The following RRP9 variants were observed in gnomAD, a reference collection of about 807,000 sequenced individuals.
The protein encoded by RRP9 is U3 small nucleolar RNA-interacting protein 2.
Under a neutral mutation model 65.5 loss-of-function variants are expected in RRP9, and 35 were observed. The observed-to-expected ratio is 0.53, with a 90% CI of 0.41 to 0.71. The LOEUF is 0.71. Ranked by LOEUF, RRP9 falls within the 30% of genes least tolerant of loss-of-function variation. The probability of loss-of-function intolerance (pLI) is 0.00; values close to 1 mark genes in which losing one functional copy is unlikely to be tolerated. For missense variants in RRP9, 533 were observed against 633.6 expected (o/e 0.84, Z 1.70); for synonymous variants, 254 against 245.0 (o/e 1.04, Z -0.34).
At chr3:51,941,312 C>T in intron 2 of RRP9, 97 bp downstream of exon 2, 1 of 1,059,072 alleles carries the variant, frequency 9.4e-7, no homozygotes, top group South Asian at 1.3e-5. Context: ...GGGACAGAGT[C>T]TTGGATTCTA....
In RRP9 at chr3:51,934,398, A is replaced by G. The variant is rs1699427123; in HGVS notation, c.1260+74T>C. 3 of 1,459,708 alleles carry G rather than the reference A, an allele frequency of 2.1e-6. No individual in the cohort carries two copies. The highest frequency in any genetic ancestry group is 2.8e-6 in the Non-Finnish European group (3 of 1,072,016). The allele number at this position is 1,459,708 out of a possible 1,614,324, so 90.4% of individuals were successfully genotyped here. ...AGGTTCCCTTCTGGCAGGAAGAAAGACCTTAAAGAGCTAACTCCAGGGGCC... is the reference window on the plus strand; with the variant it reads ...AGGTTCCCTTCTGGCAGGAAGAAAGGCCTTAAAGAGCTAACTCCAGGGGCC... On this transcript the variant is annotated intron_variant, in intron 13 of 14. Coordinates refer to ENST00000232888, the MANE Select transcript of RRP9 (RefSeq NM_004704.5). This position sits in a 1 kb window ranked among gnomAD's most constrained non-coding sequence, Gnocchi z 4.1.
chr3:51,939,313 A>G (rs950400090), intron 2 of RRP9, among the ~76,000 whole-genome samples: 2 of 152,250 alleles, frequency 1.3e-5, no homozygotes, highest in African/African-American at 4.8e-5. Flanking sequence ...CTTCCCTTAC[A>G]CAGCCAAGGG....
chr3:51,933,636 A>G, intron 14 of RRP9, 37 bp from the exon 15 acceptor site: 1 of 1,611,388 alleles, frequency 6.2e-7, no homozygotes, highest in Non-Finnish European at 8.5e-7. Context: ...GACTCGGCCC[A>G]GTCTCCACCC....
rs1699475854 is a variant in RRP9 at position 51,937,719 on chromosome 3, C to T, written c.298G>A (p.Ala100Thr). 6.2e-7 allele frequency: 1 copy of T among 1,614,028 alleles called. No homozygotes were observed. Among genetic ancestry groups the T allele is most frequent in the South Asian group, 1.1e-5 (1 of 91,090 alleles). ...LRQQEEEKAE[A>T]RAFEEDQVAG... ...ACCTGGTCCTCCTCAAATGCACGGGCCTCAGCCTTCTCCTCCTCTGTGCAG... is the reference window on the plus strand; with the variant it reads ...ACCTGGTCCTCCTCAAATGCACGGGTCTCAGCCTTCTCCTCCTCTGTGCAG... Residue 100 changes from alanine to threonine, a missense_variant, in exon 4 of 15, where the codon GCC (alanine) becomes ACC (threonine). By Grantham distance (58) the Ala-to-Thr change is moderately conservative (BLOSUM62 0). Around this residue, in one of 3 missense-constraint regions of RRP9, gnomAD observed 449 missense variants for 550.6 expected, o/e 0.82. Coordinates refer to ENST00000232888, the MANE Select transcript of RRP9 (RefSeq NM_004704.5). This position sits in a 1 kb window ranked among gnomAD's most constrained non-coding sequence, Gnocchi z 5.0.
Position 51,937,551 on chromosome 3 carries a change from T to C in RRP9, c.384A>G (p.Ala128=). The change falls in exon 5 of 15, where the codon GCA becomes GCG. Residue 128 remains alanine, a synonymous_variant. Coordinates refer to ENST00000232888, the MANE Select transcript of RRP9 (RefSeq NM_004704.5). This position sits in a 1 kb window ranked among gnomAD's most constrained non-coding sequence, Gnocchi z 5.0. ...AAATACCATGCCCACTCACCTCTTTTGCCACCAACTTCTGCAGCCTGCCCC... is the reference window on the plus strand; with the variant it reads ...AAATACCATGCCCACTCACCTCTTTCGCCACCAACTTCTGCAGCCTGCCCC... ...EQRGRLQKLV[A]KEIQAPASAD... 1.2e-6 allele frequency: 2 copies of C among 1,614,202 alleles called. No homozygotes were observed. Among genetic ancestry groups the C allele is most frequent in the African/African-American group, 1.3e-5 (1 of 75,032 alleles).
In RRP9 at chr3:51,935,099, C is replaced by A. The variant is rs1699439452; in HGVS notation, c.1034+98G>T. On this transcript the variant is annotated intron_variant, in intron 11 of 14. Coordinates refer to ENST00000232888, the MANE Select transcript of RRP9 (RefSeq NM_004704.5). ...TCCATGAAAAGAGGTTACAACAGCT[C>A]CCCCACTGGGGGTGCCCTGAGGCAA... 1.1e-5 allele frequency: 15 copies of A among 1,306,968 alleles called. No homozygotes were observed. In the South Asian group the frequency reaches 1.5e-4, roughly 13 times the overall value. The allele number at this position is 1,306,968 out of a possible 1,614,324, so 81.0% of individuals were successfully genotyped here. A position where few individuals can be genotyped will look rare whatever the true frequency, so the allele number is the denominator to read the frequency against.
chr3:51,936,730 G>T (rs558803816), intron 6 of RRP9, among the ~76,000 whole-genome samples, 175 bp from the exon 7 acceptor site: 2 of 152,282 alleles, frequency 1.3e-5, no homozygotes, highest in Non-Finnish European at 2.9e-5. Context: ...CCTCATCTAT[G>T]AAGAGGGACA....
At chr3:51,940,524 T>G (rs539782069) in intron 2 of RRP9, among the ~76,000 whole-genome samples, 1 of 152,080 alleles carries the variant, frequency 6.6e-6, no homozygotes, top group Non-Finnish European at 1.5e-5. Context: ...TGTTTTTGTG[T>G]GTGGTTTTTT....
In RRP9 at chr3:51,936,355, G is replaced by A. The variant is rs370008395; in HGVS notation, c.643-6C>T. 3.7e-5 allele frequency: 60 copies of A among 1,614,212 alleles called. No homozygotes were observed. In the African/African-American group the frequency reaches 6.9e-4, roughly 19 times the overall value. Reference sequence around the variant, plus strand: ...TTGCTGCGGTCACCAGAGGCCTGCAGGGATGAAGACAATGATCACAGGCAC... The same window carrying A: ...TTGCTGCGGTCACCAGAGGCCTGCAAGGATGAAGACAATGATCACAGGCAC... On this transcript the variant is annotated splice_region_variant and splice_polypyrimidine_tract_variant and intron_variant, in intron 7 of 14. Transcript: ENST00000232888.
intron 1 of RRP9, 67 bp downstream of exon 1, chr3:51,941,714 C>T: frequency 7.2e-7 from 1 of 1,398,194 alleles, no homozygotes; most frequent in Non-Finnish European, 9.8e-7. Flanking sequence ...GACCCAGGTC[C>T]CCTGGATGGG....
At chr3:51,936,585 G>A in intron 6 of RRP9, 30 bp from the exon 7 acceptor site, 1 of 1,605,590 alleles carries the variant, frequency 6.2e-7, no homozygotes, top group Non-Finnish European at 8.5e-7. Context: ...AGAAGCTACT[G>A]GGATGGGGGG....
rs1004460617 is a variant in RRP9, at chr3:51,935,578, C to T, written c.836+14G>A. On this transcript the variant is annotated intron_variant, in intron 9 of 14. Coordinates refer to ENST00000232888, the MANE Select transcript of RRP9 (RefSeq NM_004704.5). ...TCTCACACCATCCACACACCCTCTC[C>T]CATCCACACTCACAGCGTCTCCACG... The T allele has an allele frequency of 8.1e-6, 13 of 1,613,844 alleles. No homozygotes were observed. The Admixed American group carries it at 2.0e-4, about 25-fold the overall frequency.
chr3:51,938,137 G>C lies in RRP9; in HGVS notation c.238C>G (p.Leu80Val). ...ELEETAQEKK[L>V]RLAKLYLEQL... ...TCTAGGTAGAGCTTGGCCAAGCGCA[G>C]CTTCTTTTCCTGTGCAGTTTCCTCC... Residue 80 changes from leucine (L) to valine (V), a missense_variant, in exon 3 of 15, where the codon CTG (leucine) becomes GTG (valine). By Grantham distance (32) the Leu-to-Val change is conservative. Coordinates refer to ENST00000232888, the MANE Select transcript of RRP9 (RefSeq NM_004704.5). 6.2e-7 allele frequency: 1 copy of C among 1,608,376 alleles called. No individual in the cohort carries two copies. Among genetic ancestry groups the C allele is most frequent in the South Asian group, 1.1e-5 (1 of 90,686 alleles).
chr3:51,938,008 C>T, intron 3 of RRP9, 87 bp downstream of exon 3: 1 of 1,163,374 alleles, frequency 8.6e-7, no homozygotes, highest in Non-Finnish European at 1.2e-6. Context: ...ATGTCAGTCA[C>T]CCATCAAGTG....
intron 6 of RRP9, among the ~76,000 whole-genome samples, chr3:51,936,930 T>C (rs1228916857): frequency 6.6e-6 from 1 of 152,218 alleles, no homozygotes; most frequent in Non-Finnish European, 1.5e-5. Context: ...TGTCTTCTAG[T>C]CCAACCACCT....
rs1255042862 is a variant in RRP9 at position 51,937,635 on chromosome 3, C to T, written c.348+34G>A. On this transcript the variant is annotated intron_variant, in intron 4 of 14. Coordinates refer to ENST00000232888, the MANE Select transcript of RRP9 (RefSeq NM_004704.5). This position sits in a 1 kb window ranked among gnomAD's most constrained non-coding sequence, Gnocchi z 5.0. The stretch of plus-strand genomic sequence containing the variant: ...GACCCTGGGAGCAGATCAGCTCCAC[C>T]CCCGTCCTCCCCCAACTCTCCCTCC... 2 of 1,614,022 alleles carry T rather than the reference C, an allele frequency of 1.2e-6. No homozygotes were observed. The highest frequency in any genetic ancestry group is 3.3e-5 in the Admixed American group (2 of 60,010).
Position 51,934,484 on chromosome 3 carries a change from A to C in RRP9, c.1248T>G (p.Cys416Trp), listed in dbSNP as rs544218859. Residue 416 changes from cysteine to tryptophan, a missense_variant, in exon 13 of 15, where the codon TGT becomes TGG. By Grantham distance (215) the Cys-to-Trp change is radical (BLOSUM62 -2). Around this residue, in one of 3 missense-constraint regions of RRP9, gnomAD observed 449 missense variants for 550.6 expected, o/e 0.82. Transcript: ENST00000232888. This position sits in a 1 kb window ranked among gnomAD's most constrained non-coding sequence, Gnocchi z 4.1. ...GEGFRQLDLL[C>W]DIPLVGFINS... ...CACACTCACTCACCAGGGGGATGTC[A>C]CAGAGAAGGTCAAGCTGCCGGAAGC... The C allele has an allele frequency of 7.6e-5, 122 of 1,613,568 alleles. No homozygotes were observed. The South Asian group carries it at 1.2e-3, about 16-fold the overall frequency.
intron 6 of RRP9, among the ~76,000 whole-genome samples, chr3:51,936,773 A>C (rs1699464515): frequency 6.6e-6 from 1 of 152,172 alleles, no homozygotes; most frequent in African/African-American, 2.4e-5. Flanking sequence ...AAGCCCAAAA[A>C]AGAGAAGGGA....
In RRP9 at chr3:51,936,284, G is replaced by C. The variant is rs762626053; in HGVS notation, c.708C>G (p.Thr236=). The C allele has an allele frequency of 1.9e-6, 3 of 1,614,170 alleles. No individual in the cohort carries two copies. Among genetic ancestry groups the C allele is most frequent in the Non-Finnish European group, 1.7e-6 (2 of 1,180,022 alleles). Residue 236 remains threonine, a synonymous_variant, in exon 8 of 15, where the codon ACC becomes ACG. Coordinates refer to ENST00000232888, the MANE Select transcript of RRP9 (RefSeq NM_004704.5). The part of the protein sequence containing the change: ...WEAQSCQHLY[T]FTGHRDAVSG... ...ACACTGCATCCCGGTGTCCTGTGAA[G>C]GTGTACAAGTGCTGGCAGCTCTGGG...
Sources: allele counts gnomAD v4.1 joint callset (sites outside exome capture counted in the v4.1 genomes callset), GRCh38; gene constraint gnomAD v4.1.1; regional missense constraint gnomAD v4.1.1; non-coding constraint Gnocchi (gnomAD v3.1); transcripts MANE v1.5; gene names NCBI Gene and HGNC (gene_info 2026-07-23, HGNC 2026-07-21).